The following ERCC1 variants were observed in gnomAD, a reference collection of about 807,000 sequenced individuals.
ERCC1 encodes the protein DNA excision repair protein ERCC-1.
A neutral mutation model predicts 37.6 loss-of-function variants in ERCC1; 36 were observed. That is an observed-to-expected ratio of 0.96 (90% CI 0.73 to 1.26). The LOEUF (loss-of-function observed/expected upper bound fraction) is 1.26. Among genes scored for constraint, ERCC1 ranks in the 50% most tolerant of loss-of-function variants. The pLI is 0.00. For missense variants in ERCC1, 349 were observed against 376.5 expected, an observed-to-expected ratio of 0.93 and a Z score of 0.60; for synonymous variants, 156 against 162.1, an observed-to-expected ratio of 0.96 and a Z score of 0.28.
rs910205288 is a variant in ERCC1, at chr19:45,407,635, C to T, written c.*2040G>A. 1.5e-5 allele frequency: 4 copies of T among 262,690 alleles called. No individual in the cohort carries two copies. The highest frequency in any genetic ancestry group is 2.2e-5 in the Non-Finnish European group (3 of 138,936). 16.3% of individuals were successfully genotyped at this position (262,690 alleles called of 1,614,324 possible). ...CTTGGTGGAACATGTTCTGTATGGC[C>T]ATAAATATTCTGTAATTATAATTGG... On this transcript the variant is annotated 3_prime_UTR_variant, in exon 10 of 10. Transcript: ENST00000300853.
upstream of ERCC1, among the ~76,000 whole-genome samples, chr19:45,428,781 C>A (rs1974765248): frequency 6.6e-6 from 1 of 151,444 alleles, no homozygotes. Flanking sequence ...GCTGGCGTCC[C>A]CGCCCGCCTC....
At chr19:45,409,949 T>C (rs1973607327) in intron 9 of ERCC1, 1 of 190,462 alleles carries the variant, frequency 5.3e-6, no homozygotes, top group African/African-American at 2.4e-5. Flanking sequence ...TGGAGTGCAG[T>C]GGCGCAATCT....
intron 4 of ERCC1, chr19:45,419,606 T>A: frequency 3.6e-6 from 1 of 276,112 alleles, no homozygotes; most frequent in Non-Finnish European, 7.2e-6. Context: ...CCCAGGGAAC[T>A]AGGACTGGCT....
chr19:45,445,729 G>A (rs1966920172), intron 1 of ERCC1, among the ~76,000 whole-genome samples: 1 of 152,170 alleles, frequency 6.6e-6, no homozygotes, highest in Non-Finnish European at 1.5e-5. Flanking sequence ...CAGAGAGAAC[G>A]TGGGGAGGGC....
chr19:45,436,253 A>G (rs1303378339), intron 1 of ERCC1, among the ~76,000 whole-genome samples: 1 of 152,118 alleles, frequency 6.6e-6, no homozygotes, highest in Non-Finnish European at 1.5e-5. Context: ...GTTAGCGTGG[A>G]GGGGACAGAA....
At position 45,414,977 on chromosome 19, in the gene ERCC1, C is replaced by T. The variant is rs777751675; in HGVS notation, c.603-17G>A. 1.5e-5 allele frequency: 24 copies of T among 1,585,876 alleles called. No individual in the cohort carries two copies. In the South Asian group the frequency reaches 2.3e-4, roughly 15 times the overall value. ...TCCTCGGGGCTGGGATAACAGGATA[C>T]AGGGCAGCCGGGAGGTGAGGTATCA... is the stretch of plus-strand genomic sequence containing the variant. On this transcript the variant is annotated splice_polypyrimidine_tract_variant and intron_variant, in intron 6 of 9. Transcript: ENST00000300853.
chr19:45,428,874 C>G (rs1277027583), upstream of ERCC1: 1 of 152,196 alleles, frequency 6.6e-6, no homozygotes, highest in African/African-American at 2.4e-5. Flanking sequence ...GGGGGCGGCT[C>G]GGCTCGGCGA....
chr19:45,414,277 A>C, intron 7 of ERCC1: 3 of 563,998 alleles, frequency 5.3e-6, no homozygotes, highest in Non-Finnish European at 9.6e-6. Context: ...GGAGTTCAAG[A>C]CCAGCCTGGC....
In ERCC1 at chr19:45,423,849, A is replaced by C. The variant is rs1470433377; in HGVS notation, c.-76T>G. 1 of 1,138,310 alleles carries C rather than the reference A, an allele frequency of 8.8e-7. No homozygotes were observed. The highest frequency in any genetic ancestry group is 4.2e-5 in the East Asian group (1 of 23,728). The allele number at this position is 1,138,310 out of a possible 1,614,324, so 70.5% of individuals were successfully genotyped here. A position where few individuals can be genotyped will look rare whatever the true frequency, so the allele number is the denominator to read the frequency against. On this transcript the variant is annotated 5_prime_UTR_variant, in exon 1 of 10. Coordinates refer to ENST00000300853, the MANE Select transcript of ERCC1 (RefSeq NM_001983.4). ...TGCTGGTCTTGGAGCCTCAAGGGAA[A>C]GACTGCAGAGGGATCGAGGCGGCCC...
chr19:45,442,232 A>G (rs1975139203), intron 1 of ERCC1, among the ~76,000 whole-genome samples: 1 of 151,086 alleles, frequency 6.6e-6, no homozygotes, highest in Admixed American at 6.6e-5. Flanking sequence ...GGGTGGGAGG[A>G]TCGGTTGAGC....
intron 2 of ERCC1, among the ~76,000 whole-genome samples, chr19:45,422,101 C>G (rs1359545184): frequency 6.6e-6 from 1 of 152,134 alleles, no homozygotes; most frequent in Admixed American, 6.6e-5. Flanking sequence ...TCCTCACCAG[C>G]TCCTTGCCCA....
Position 45,408,014 on chromosome 19 carries a change from AC to A in ERCC1, c.*1660del. The A allele has an allele frequency of 7.5e-7, 1 of 1,328,202 alleles. No individual in the cohort carries two copies. Among genetic ancestry groups the A allele is most frequent in the South Asian group, 1.6e-5 (1 of 63,846 alleles). 82.3% of individuals were successfully genotyped at this position (1,328,202 alleles called of 1,614,324 possible). A position where few individuals can be genotyped will look rare whatever the true frequency, so the allele number is the denominator to read the frequency against. ...CATTGCAGTGAGCCGAGATCATGCC[AC>A]TGCACTCCAGCCTAGGCAACAGAGC... On this transcript the variant is annotated 3_prime_UTR_variant, in exon 10 of 10. Transcript: ENST00000300853.
At chr19:45,437,273 T>C (rs1352715384) in intron 1 of ERCC1, among the ~76,000 whole-genome samples, 1 of 149,558 alleles carries the variant, frequency 6.7e-6, no homozygotes, top group Non-Finnish European at 1.5e-5. Flanking sequence ...AAAATATATA[T>C]GTGTGTGTGT....
chr19:45,436,323 T>C (rs548396659), intron 1 of ERCC1, among the ~76,000 whole-genome samples: 1 of 152,166 alleles, frequency 6.6e-6, no homozygotes, highest in South Asian at 2.1e-4. Context: ...CCCAATTCAG[T>C]GACTTAAAAC....
chr19:45,450,929 C>CGACGGACTGTGGAACGCCGTCGCCT (rs1967102197), intron 1 of ERCC1, among the ~76,000 whole-genome samples: 3 of 136,576 alleles, frequency 2.2e-5, no homozygotes, highest in Non-Finnish European at 4.6e-5. Context: ...CGCGGTGACG[C>CGACGGACTGTGGAACGCCGTCGCCT]GACGGACTGT....
intron 1 of ERCC1, among the ~76,000 whole-genome samples, chr19:45,440,848 C>T (rs1975102159): frequency 6.6e-6 from 1 of 152,176 alleles, no homozygotes; most frequent in Non-Finnish European, 1.5e-5. Flanking sequence ...ATCCTCCCAC[C>T]TCAGCCTTCC....
At chr19:45,447,226 G>A (rs192041597) in intron 1 of ERCC1, among the ~76,000 whole-genome samples, 1 of 151,754 alleles carries the variant, frequency 6.6e-6, no homozygotes, top group East Asian at 1.9e-4. Flanking sequence ...CTTCTGCTCT[G>A]GGAATGCATT....
chr19:45,415,218 C>A (rs1973981746), intron 6 of ERCC1, among the ~76,000 whole-genome samples: 1 of 151,822 alleles, frequency 6.6e-6, no homozygotes, highest in South Asian at 2.1e-4. Flanking sequence ...GCCTGTAGTC[C>A]CAGCTACTCA....
intron 1 of ERCC1, among the ~76,000 whole-genome samples, chr19:45,439,712 G>T (rs989522209): frequency 6.6e-6 from 1 of 152,006 alleles, no homozygotes; most frequent in Admixed American, 6.6e-5. Context: ...AAGATTCTGC[G>T]CCCTGCCGGC....
Sources: allele counts gnomAD v4.1 joint callset (sites outside exome capture counted in the v4.1 genomes callset), GRCh38; gene constraint gnomAD v4.1.1; transcripts MANE v1.5; gene names NCBI Gene and HGNC (gene_info 2026-07-23, HGNC 2026-07-21).